Variants in DZIP3 observed in about 807,000 individuals in gnomAD.
The protein encoded by DZIP3 is E3 ubiquitin-protein ligase DZIP3.
Under a neutral mutation model 162.0 loss-of-function variants are expected in DZIP3, and 118 were observed. The observed-to-expected ratio is 0.73, with a 90% CI of 0.63 to 0.85. DZIP3 has a LOEUF of 0.85. DZIP3 is among the 40% of genes least tolerant of loss of function. The pLI is 0.00. For synonymous variants in DZIP3, 438 were observed against 458.6 expected (o/e 0.96, Z 0.57); for missense variants, 1,331 against 1,407.0 (o/e 0.95, Z 0.86).
chr3:108,603,698 T>G (rs1940161887), intron 1 of DZIP3, among the ~76,000 whole-genome samples: 1 of 152,222 alleles, frequency 6.6e-6, no homozygotes, highest in Admixed American at 6.5e-5. Context: ...ATTTTGTGTT[T>G]TAAGATATCA....
At position 108,677,493 on chromosome 3, in the gene DZIP3, C is replaced by T; in HGVS notation, c.2782-4C>T. On this transcript the variant is annotated splice_polypyrimidine_tract_variant and splice_region_variant and intron_variant, in intron 25 of 32. Transcript: ENST00000361582. ...CTAAAGTATTTTTAGTCTTCTTCTA[C>T]CAGACACAGTACAATGAACAAATAA... The T allele has an allele frequency of 1.2e-6, 2 of 1,611,576 alleles. No homozygotes were observed. The highest frequency in any genetic ancestry group is 1.1e-5 in the South Asian group (1 of 91,008).
At chr3:108,641,770 T>C (rs1942411408) in intron 12 of DZIP3, among the ~76,000 whole-genome samples, 1 of 152,168 alleles carries the variant, frequency 6.6e-6, no homozygotes. Flanking sequence ...GTACTGGAGA[T>C]AGAATCAGTT....
At chr3:108,606,683 T>A (rs1386960359) in intron 2 of DZIP3, among the ~76,000 whole-genome samples, 3 of 151,844 alleles carry the variant, frequency 2.0e-5, no homozygotes, top group African/African-American at 7.3e-5. Context: ...TTAAGAAAAA[T>A]TTTTGGGGTG....
At chr3:108,689,716 G>C (rs1448759774) in intron 31 of DZIP3, among the ~76,000 whole-genome samples, 1 of 151,934 alleles carries the variant, frequency 6.6e-6, no homozygotes, top group Non-Finnish European at 1.5e-5. Flanking sequence ...TATGAGGTTG[G>C]CATGTCTTTT....
chr3:108,591,261 G>A (rs75434792), intron 1 of DZIP3, among the ~76,000 whole-genome samples: 5 of 152,322 alleles, frequency 3.3e-5, no homozygotes, highest in Non-Finnish European at 5.9e-5. Flanking sequence ...GTAGAGATGA[G>A]GTCCTATACG....
intron 26 of DZIP3, among the ~76,000 whole-genome samples, chr3:108,679,035 GATC>G (rs1199113686): frequency 6.6e-6 from 1 of 151,972 alleles, no homozygotes; most frequent in Non-Finnish European, 1.5e-5. Context: ...TCTAGGCTTG[GATC>G]ATCATCATAC....
chr3:108,672,185 C>T (rs1001261740), intron 22 of DZIP3, among the ~76,000 whole-genome samples: 1 of 151,898 alleles, frequency 6.6e-6, no homozygotes, highest in Non-Finnish European at 1.5e-5. Context: ...AAGGCACCAC[C>T]TCCTAATACC....
chr3:108,665,900 A>T (rs1189253981), intron 21 of DZIP3, among the ~76,000 whole-genome samples: 1 of 152,194 alleles, frequency 6.6e-6, no homozygotes, highest in Non-Finnish European at 1.5e-5. Flanking sequence ...GTCTCAGACA[A>T]TGGAAAATTA....
At chr3:108,655,633 A>C (rs1347167673) in intron 19 of DZIP3, among the ~76,000 whole-genome samples, 1 of 151,586 alleles carries the variant, frequency 6.6e-6, no homozygotes, top group African/African-American at 2.4e-5. Context: ...CTCACTGGGG[A>C]TTGTTGGACA....
intron 1 of DZIP3, 68 bp from the exon 2 acceptor site, chr3:108,605,263 ACGTT>A (rs1940273034): frequency 1.8e-6 from 2 of 1,100,026 alleles, no homozygotes; most frequent in Non-Finnish European, 2.7e-6. Flanking sequence ...TCAAATGATC[ACGTT>A]CTGTTTTCAT....
chr3:108,618,195 G>C (rs1030316994), intron 5 of DZIP3, among the ~76,000 whole-genome samples: 1 of 152,178 alleles, frequency 6.6e-6, no homozygotes, highest in South Asian at 2.1e-4. Flanking sequence ...GGGGCTTTAG[G>C]TTAGAAATGT....
rs568433803 is a variant in DZIP3 at position 108,621,269 on chromosome 3, ACTT to A, written c.376-3171_376-3169del. Among the ~76,000 whole-genome samples the A allele has an allele frequency of 6.9e-4, 105 of 152,158 alleles. 2 individuals carry two copies. The East Asian group carries it at 0.015, about 22-fold the overall frequency. ...AAGGTTTAATGTAACAAATTTTTAT[ACTT>A]CTTTTTTACCAGTTTTTAAAAAATT... On this transcript the variant is annotated intron_variant, in intron 5 of 32. Transcript: ENST00000361582.
rs1423181754 is a variant in DZIP3 at position 108,694,769 on chromosome 3, A to G, written c.*1416A>G. 1.3e-5 allele frequency: 2 copies of G among 152,190 alleles called. No homozygotes were observed. Among genetic ancestry groups the G allele is most frequent in the African/African-American group, 2.4e-5 (1 of 41,442 alleles). The allele number at this position is 152,190 out of a possible 1,614,324, so 9.4% of individuals were successfully genotyped here. A position where few individuals can be genotyped will look rare whatever the true frequency, so the allele number is the denominator to read the frequency against. On this transcript the variant is annotated 3_prime_UTR_variant, in exon 33 of 33. Transcript: ENST00000361582. The stretch of plus-strand genomic sequence containing the variant: ...TATAGCTAGTTATCTTGTAAAACCA[A>G]TGTTTCTTAGTTCATACTTACAACT...
At chr3:108,636,553 A>T in intron 10 of DZIP3, 63 bp from the exon 11 acceptor site, 1 of 1,063,058 alleles carries the variant, frequency 9.4e-7, no homozygotes. Context: ...TTATTTAAAT[A>T]TAATCAGATT....
At chr3:108,666,259 T>C (rs942558418) in intron 21 of DZIP3, among the ~76,000 whole-genome samples, 1 of 152,090 alleles carries the variant, frequency 6.6e-6, no homozygotes, top group Non-Finnish European at 1.5e-5. Context: ...AGAATGGCTA[T>C]ATTAAAATCA....
chr3:108,667,460 A>T (rs546492869), intron 21 of DZIP3, among the ~76,000 whole-genome samples: 40 of 152,294 alleles, frequency 2.6e-4, no homozygotes, highest in Non-Finnish European at 4.0e-4. Context: ...TGGAAAACAG[A>T]TTAGTGGTTC....
At chr3:108,603,540 G>A (rs1262141148) in intron 1 of DZIP3, among the ~76,000 whole-genome samples, 1 of 152,090 alleles carries the variant, frequency 6.6e-6, no homozygotes, top group Non-Finnish European at 1.5e-5. Flanking sequence ...AATTATCTAG[G>A]AAAACTGTAT....
chr3:108,595,934 A>C (rs993345155), intron 1 of DZIP3, among the ~76,000 whole-genome samples: 1 of 152,238 alleles, frequency 6.6e-6, no homozygotes, highest in African/African-American at 2.4e-5. Flanking sequence ...TACAGCAATG[A>C]ATCAAATAGA....
chr3:108,636,289 C>A (rs950998992), intron 10 of DZIP3, among the ~76,000 whole-genome samples: 7 of 151,894 alleles, frequency 4.6e-5, no homozygotes, highest in Non-Finnish European at 8.8e-5. Flanking sequence ...AGAATCCTCA[C>A]GTATCTGATA....
Sources: gnomAD v4.1 joint callset for allele counts (sites outside exome capture counted in the v4.1 genomes callset) on GRCh38, gnomAD v4.1.1 for gene constraint, MANE v1.5 for transcripts, NCBI Gene and HGNC (gene_info 2026-07-23, HGNC 2026-07-21) for gene names.